The following TLE2 variants were observed in gnomAD, a reference collection of about 807,000 sequenced individuals.
TLE2 encodes transducin-like enhancer protein 2.
TLE2 carries 74 observed loss-of-function variants against 97.2 expected under a neutral mutation model. That is an observed-to-expected ratio of 0.76 (90% confidence interval 0.63 to 0.92). TLE2 has a LOEUF of 0.92. TLE2 is among the 40% of genes least tolerant of loss of function. TLE2 has a pLI of 0.00. For synonymous variants in TLE2, 499 were observed against 432.1 expected, an observed-to-expected ratio of 1.15 and a Z score of -1.92; for missense variants, 1,038 against 1,008.7, an observed-to-expected ratio of 1.03 and a Z score of -0.39.
chr19:3,023,056 C>CTTCT (rs747351556), intron 5 of TLE2, among the ~76,000 whole-genome samples: 103 of 135,420 alleles, frequency 7.6e-4, no homozygotes, highest in African/African-American at 1.6e-3. Context: ...TTTACCTAAT[C>CTTCT]TTTTTTTTTT....
chr19:3,022,360 C>T (rs1247569136), intron 5 of TLE2, among the ~76,000 whole-genome samples: 1 of 151,722 alleles, frequency 6.6e-6, no homozygotes, highest in African/African-American at 2.4e-5. Flanking sequence ...CCCCCCCACC[C>T]CATCTACAAA....
At chr19:3,028,598 G>T in intron 2 of TLE2, 108 bp downstream of exon 2, 5 of 1,325,358 alleles carry the variant, frequency 3.8e-6, no homozygotes, top group South Asian at 1.2e-5. Context: ...CCTTTGTCGC[G>T]CCCCCCCTCC....
chr19:3,030,481 A>C (rs1599249795), upstream of TLE2, among the ~76,000 whole-genome samples: 2 of 152,342 alleles, frequency 1.3e-5, no homozygotes, highest in Non-Finnish European at 1.5e-5. Flanking sequence ...TGCTGTAGAC[A>C]CTGGGGCACA....
upstream of TLE2, among the ~76,000 whole-genome samples, chr19:3,046,207 G>A (rs750562833): frequency 4.3e-4 from 65 of 152,194 alleles, no homozygotes; most frequent in Admixed American, 8.5e-4. Flanking sequence ...CTGCACCATG[G>A]GAAGAGAGCG....
chr19:3,027,746 C>T, intron 4 of TLE2, 83 bp downstream of exon 4: 1 of 1,430,458 alleles, frequency 7.0e-7, no homozygotes, highest in East Asian at 2.4e-5. Flanking sequence ...CTGCTCTGGC[C>T]CCGGCTGCCC....
chr19:2,998,243 GTGTGTGTGTGTGTGTGTGT>G (rs2089265035), intron 19 of TLE2, among the ~76,000 whole-genome samples: 1 of 77,578 alleles, frequency 1.3e-5, no homozygotes, highest in African/African-American at 4.8e-5. Context: ...GCCAATGTGT[GTGTGTGTGTGTGTGTGTGT>G]GTGTGTGTGT....
intron 1 of TLE2, chr19:3,045,703 C>T (rs1427164936): frequency 4.6e-6 from 2 of 430,184 alleles, no homozygotes; most frequent in Admixed American, 2.5e-5. Flanking sequence ...TGGTGGCGGG[C>T]GCCTGTAATC....
In TLE2 at chr19:3,008,964, G is replaced by T. The variant is rs758974700; in HGVS notation, c.1174-19C>A. 1 of 1,559,046 alleles carries T rather than the reference G, an allele frequency of 6.4e-7. No homozygotes were observed. The highest frequency in any genetic ancestry group is 8.7e-7 in the Non-Finnish European group (1 of 1,151,376). ...ATGCCATCTGTGAGAATGCCAGGGG[G>T]GTGTCAGTGAGGCAGGTGACTCCAA... On this transcript the variant is annotated intron_variant, in intron 13 of 19. Transcript: ENST00000262953.
Position 3,029,088 on chromosome 19 carries a change from C to G in TLE2, c.-184G>C. 8.0e-7 allele frequency: 1 copy of G among 1,253,808 alleles called. No individual in the cohort carries two copies. The highest frequency in any genetic ancestry group is 3.2e-5 in the East Asian group (1 of 31,362). 77.7% of individuals were successfully genotyped at this position (1,253,808 alleles called of 1,614,324 possible). On this transcript the variant is annotated 5_prime_UTR_variant, in exon 1 of 20. Coordinates refer to ENST00000262953, the MANE Select transcript of TLE2 (RefSeq NM_003260.5). ...GCCCCCAAGCGCGCGCGCCCGGGGT[C>G]GTGGGAGCCCCTCCCCGGGTTGGGG...
intron 1 of TLE2, among the ~76,000 whole-genome samples, chr19:3,038,148 A>G (rs141777928): frequency 1.3e-5 from 2 of 152,194 alleles, no homozygotes; most frequent in African/African-American, 4.8e-5. Flanking sequence ...CAATAACAAT[A>G]ATAATAATGC....
chr19:3,005,378 AG>A (rs2089451070), intron 17 of TLE2, 58 bp downstream of exon 17: 1 of 1,585,572 alleles, frequency 6.3e-7, no homozygotes. Context: ...TCACAAGGAG[AG>A]GAAGGGATGC....
At chr19:3,038,218 T>G (rs1049119212) in intron 1 of TLE2, among the ~76,000 whole-genome samples, 2 of 152,100 alleles carry the variant, frequency 1.3e-5, no homozygotes, top group African/African-American at 2.4e-5. Flanking sequence ...TTGTCCTTAT[T>G]ATTATTTGAG....
chr19:3,031,374 G>A (rs1461312730), upstream of TLE2, among the ~76,000 whole-genome samples: 2 of 121,590 alleles, frequency 1.6e-5, no homozygotes, highest in Non-Finnish European at 3.7e-5. Flanking sequence ...GTGTGTGTGT[G>A]TGTGTGTGTG....
Position 3,017,872 on chromosome 19 carries a change from GA to G in TLE2, c.551-14del. On this transcript the variant is annotated splice_polypyrimidine_tract_variant and intron_variant, in intron 7 of 19. Transcript: ENST00000262953. Reference sequence around the variant, plus strand: ...GGGGCTCTCTCCACTGACAGATTGGGAATGGGATAAAGAGAAAGAAGGAGAA... The same window carrying G: ...GGGGCTCTCTCCACTGACAGATTGGGATGGGATAAAGAGAAAGAAGGAGAA... 6.2e-7 allele frequency: 1 copy of G among 1,612,172 alleles called. No homozygotes were observed. Among genetic ancestry groups the G allele is most frequent in the Non-Finnish European group, 8.5e-7 (1 of 1,179,086 alleles).
At chr19:3,032,976 C>G (rs1251430902), upstream of TLE2, among the ~76,000 whole-genome samples, 1 of 151,194 alleles carries the variant, frequency 6.6e-6, no homozygotes, top group Non-Finnish European at 1.5e-5. This position sits in a 1 kb window ranked among gnomAD's most constrained non-coding sequence, Gnocchi z 4.1. Context: ...CTCTGTCGTC[C>G]AGGCTGGAGT....
At chr19:3,010,974 C>A (rs1272378903) in intron 12 of TLE2, 48 bp downstream of exon 12, 1 of 1,571,364 alleles carries the variant, frequency 6.4e-7, no homozygotes. Context: ...TAGATCTCCC[C>A]AGAGACGAGG....
intron 5 of TLE2, among the ~76,000 whole-genome samples, chr19:3,021,640 T>C (rs1419407777): frequency 6.6e-6 from 1 of 152,088 alleles, no homozygotes; most frequent in African/African-American, 2.4e-5. Flanking sequence ...TGGAGTGCAA[T>C]GGCATGCTCT....
At chr19:3,027,924 C>G in intron 3 of TLE2, 51 bp from the exon 4 acceptor site, 4 of 1,557,472 alleles carry the variant, frequency 2.6e-6, no homozygotes, top group Non-Finnish European at 2.6e-6. Context: ...TGGGTGCCCT[C>G]CTCCAGATAG....
At position 3,019,812 on chromosome 19, in the gene TLE2, C is replaced by A; in HGVS notation, c.295-39G>T. 6.3e-7 allele frequency: 1 copy of A among 1,596,064 alleles called. No homozygotes were observed. The highest frequency in any genetic ancestry group is 8.5e-7 in the Non-Finnish European group (1 of 1,172,348). ...GGGATCAGGTAGAGGGTACATTGAG[C>A]CCCTGCTCATGCTAGCGGTGCCCTT... On this transcript the variant is annotated intron_variant, in intron 5 of 19. Transcript: ENST00000262953. The surrounding 1 kb of genome is among the most constrained non-coding windows in gnomAD (Gnocchi z 5.1).
Sources: allele counts gnomAD v4.1 joint callset (sites outside exome capture counted in the v4.1 genomes callset), GRCh38; gene constraint gnomAD v4.1.1; non-coding constraint Gnocchi (gnomAD v3.1); transcripts MANE v1.5; gene names NCBI Gene and HGNC (gene_info 2026-07-23, HGNC 2026-07-21).